CERS6: variants seen among roughly 807,000 people sequenced by gnomAD.
The protein encoded by CERS6 is LAG1 homolog, ceramide synthase 6.
Under a neutral mutation model 56.8 loss-of-function variants are expected in CERS6, and 26 were observed. The ratio of observed to expected loss-of-function variants is 0.46; its 90% CI spans 0.34 to 0.63. The LOEUF is 0.63. Ranked by LOEUF, CERS6 falls within the 30% of genes least tolerant of loss-of-function variation. The pLI is 0.01. For synonymous variants in CERS6, 164 were observed against 173.3 expected (o/e 0.95, Z 0.42); for missense variants, 415 against 467.5 (o/e 0.89, Z 1.04).
chr2:168,631,435 A>G (rs1266845661), intron 4 of CERS6, among the ~76,000 whole-genome samples: 4 of 131,400 alleles, frequency 3.0e-5, no homozygotes, highest in African/African-American at 1.1e-4. Context: ...ATATGTAAAT[A>G]TATATTTATA....
chr2:168,567,671 G>A (rs982265324), intron 3 of CERS6, among the ~76,000 whole-genome samples: 1 of 152,242 alleles, frequency 6.6e-6, no homozygotes, highest in South Asian at 2.1e-4. Context: ...AATACTATTT[G>A]TGGTTCTTTC....
intron 3 of CERS6, among the ~76,000 whole-genome samples, chr2:168,620,937 A>G (rs1473321859): frequency 2.0e-5 from 3 of 151,514 alleles, no homozygotes; most frequent in African/African-American, 7.3e-5. Flanking sequence ...TAATTTTTGT[A>G]TTTTTTGCAG....
At position 168,709,216 on chromosome 2, in the gene CERS6, G is replaced by A. The variant is rs181899359; in HGVS notation, c.610-5785G>A. Among the ~76,000 whole-genome samples the A allele has an allele frequency of 3.1e-3, 476 of 152,228 alleles. 6 individuals are homozygous for A. Among genetic ancestry groups the A allele is most frequent in the African/African-American group, 9.7e-3 (403 of 41,546 alleles). On this transcript the variant is annotated intron_variant, in intron 6 of 9. Transcript: ENST00000305747. Reference sequence around the variant, plus strand: ...AGCCCAGGTAGCTGGAATTTTACCTGTACCCAGGAATTTCTGATGTGAAAG... The same window carrying A: ...AGCCCAGGTAGCTGGAATTTTACCTATACCCAGGAATTTCTGATGTGAAAG...
At chr2:168,693,606 A>T (rs1686561776) in intron 5 of CERS6, among the ~76,000 whole-genome samples, 1 of 152,136 alleles carries the variant, frequency 6.6e-6, no homozygotes, top group Non-Finnish European at 1.5e-5. Context: ...GTTCAGTAGG[A>T]AGTGTATTCT....
chr2:168,529,576 C>T (rs1002987173), intron 1 of CERS6, among the ~76,000 whole-genome samples: 1 of 152,068 alleles, frequency 6.6e-6, no homozygotes, highest in Non-Finnish European at 1.5e-5. Context: ...AAGGAATGTT[C>T]ACAGACTCAT....
chr2:168,527,408 C>T (rs1176002195), intron 1 of CERS6, among the ~76,000 whole-genome samples: 1 of 152,134 alleles, frequency 6.6e-6, no homozygotes, highest in African/African-American at 2.4e-5. Context: ...CTTTAGGGTT[C>T]CTTCTTGGTG....
At chr2:168,616,403 G>A (rs1684318700) in intron 3 of CERS6, among the ~76,000 whole-genome samples, 1 of 152,160 alleles carries the variant, frequency 6.6e-6, no homozygotes, top group Non-Finnish European at 1.5e-5. Flanking sequence ...AACATTGAAT[G>A]TAAATGGCCT....
intron 4 of CERS6, among the ~76,000 whole-genome samples, chr2:168,646,749 T>G (rs948413195): frequency 6.6e-6 from 1 of 152,218 alleles, no homozygotes; most frequent in African/African-American, 2.4e-5. Context: ...TTCAGTCTTC[T>G]CTGCATATGG....
At chr2:168,672,420 T>C (rs1173087510) in intron 4 of CERS6, among the ~76,000 whole-genome samples, 1 of 152,212 alleles carries the variant, frequency 6.6e-6, no homozygotes, top group Non-Finnish European at 1.5e-5. Flanking sequence ...TGGGCTAATA[T>C]TGTAGACATC....
At chr2:168,462,742 G>C (rs1693800870) in intron 1 of CERS6, among the ~76,000 whole-genome samples, 1 of 151,938 alleles carries the variant, frequency 6.6e-6, no homozygotes, top group Admixed American at 6.6e-5. Flanking sequence ...GTCTTGCTTT[G>C]TTGTCCAGGC....
intron 8 of CERS6, among the ~76,000 whole-genome samples, chr2:168,755,844 A>G (rs796738939): frequency 5.3e-5 from 8 of 152,320 alleles, no homozygotes; most frequent in African/African-American, 1.9e-4. Flanking sequence ...ACTTTAACTG[A>G]GTTAATTGAT....
chr2:168,749,454 C>G (rs1684197371), intron 8 of CERS6, among the ~76,000 whole-genome samples: 1 of 152,160 alleles, frequency 6.6e-6, no homozygotes, highest in Non-Finnish European at 1.5e-5. Flanking sequence ...TCAGCACTTC[C>G]AGGGAGCCAC....
intron 4 of CERS6, among the ~76,000 whole-genome samples, chr2:168,646,963 C>T (rs138138523): frequency 1.7e-3 from 260 of 152,202 alleles, no homozygotes; most frequent in Non-Finnish European, 3.2e-3. Flanking sequence ...ATCAGGTTAA[C>T]GTGATATCTC....
At chr2:168,531,930 A>G (rs1695175961) in intron 1 of CERS6, among the ~76,000 whole-genome samples, 1 of 152,060 alleles carries the variant, frequency 6.6e-6, no homozygotes, top group African/African-American at 2.4e-5. Context: ...CTTGCTGAAT[A>G]TTTTCCAAAT....
chr2:168,472,728 C>T (rs778000163), intron 1 of CERS6, among the ~76,000 whole-genome samples: 6 of 152,084 alleles, frequency 3.9e-5, no homozygotes, highest in Non-Finnish European at 8.8e-5. Context: ...GACAAAAATA[C>T]AGTATCTTTA....
intron 4 of CERS6, among the ~76,000 whole-genome samples, chr2:168,675,722 C>T (rs1380611291): frequency 6.6e-6 from 1 of 151,642 alleles, no homozygotes; most frequent in Admixed American, 6.6e-5. Context: ...GAGTCTTGCT[C>T]TGTTGCCAGG....
At chr2:168,706,052 G>T (rs1337618669) in intron 6 of CERS6, among the ~76,000 whole-genome samples, 1 of 152,174 alleles carries the variant, frequency 6.6e-6, no homozygotes, top group Non-Finnish European at 1.5e-5. Flanking sequence ...AGCAAGGCTC[G>T]TAGTGATAGA....
intron 2 of CERS6, among the ~76,000 whole-genome samples, chr2:168,554,171 A>T (rs80303187): frequency 2.0e-5 from 3 of 152,208 alleles, no homozygotes; most frequent in Non-Finnish European, 4.4e-5. Context: ...GAAAAAAAAA[A>T]TGTAGTGAAA....
chr2:168,656,605 G>A (rs1483841325), intron 4 of CERS6, among the ~76,000 whole-genome samples: 2 of 151,888 alleles, frequency 1.3e-5, no homozygotes, highest in African/African-American at 4.8e-5. Flanking sequence ...TGGTCTTGCT[G>A]GGCTCAGGAG....
Sources: allele counts gnomAD v4.1 joint callset (sites outside exome capture counted in the v4.1 genomes callset), GRCh38; gene constraint gnomAD v4.1.1; transcripts MANE v1.5; gene names NCBI Gene and HGNC (gene_info 2026-07-23, HGNC 2026-07-21).